ADGRB3: variants seen among roughly 807,000 people sequenced by gnomAD.
The protein encoded by ADGRB3 is brain-specific angiogenesis inhibitor 3.
A neutral mutation model predicts 193.4 loss-of-function variants in ADGRB3; 37 were observed. That is an observed-to-expected ratio of 0.19 (90% CI 0.15 to 0.25). The LOEUF (loss-of-function observed/expected upper bound fraction) is 0.25. Ranked by LOEUF, ADGRB3 falls within the 10% of genes least tolerant of loss-of-function variation. The pLI is 1.00. For missense variants in ADGRB3, 1,637 were observed against 1,852.9 expected (o/e 0.88, Z 2.14); for synonymous variants, 690 against 644.2 (o/e 1.07, Z -1.08).
chr6:68,994,774 A>G (rs1769337253), intron 11 of ADGRB3, among the ~76,000 whole-genome samples: 1 of 152,182 alleles, frequency 6.6e-6, no homozygotes, highest in African/African-American at 2.4e-5. Context: ...TAAAATAAAG[A>G]TTTGGCAAAA....
chr6:69,012,081 A>G (rs1323344044), intron 11 of ADGRB3, among the ~76,000 whole-genome samples: 1 of 152,128 alleles, frequency 6.6e-6, no homozygotes, highest in African/African-American at 2.4e-5. Context: ...GGTGATTTAA[A>G]AAAAGAACTG....
chr6:68,965,278 A>C (rs1382258260), intron 8 of ADGRB3, among the ~76,000 whole-genome samples: 1 of 152,184 alleles, frequency 6.6e-6, no homozygotes, highest in Admixed American at 6.6e-5. Context: ...TGAATTCTTC[A>C]CATGAGTAGG....
At chr6:68,704,319 C>G (rs1027791030) in intron 3 of ADGRB3, among the ~76,000 whole-genome samples, 1 of 152,066 alleles carries the variant, frequency 6.6e-6, no homozygotes, top group African/African-American at 2.4e-5. Flanking sequence ...ATAATGCCAA[C>G]CTGATTATCA....
In ADGRB3 at chr6:68,983,976, C is replaced by T. The variant is rs73467706; in HGVS notation, c.1734+8636C>T. Reference sequence around the variant, plus strand: ...TATGTCAGGAAATGACAGCACATTCCATGTAGCGAAAATAACATATGGAAA... The same window carrying T: ...TATGTCAGGAAATGACAGCACATTCTATGTAGCGAAAATAACATATGGAAA... On this transcript the variant is annotated intron_variant, in intron 10 of 31. Coordinates refer to ENST00000370598, the MANE Select transcript of ADGRB3 (RefSeq NM_001704.3). Among the ~76,000 whole-genome samples the T allele has an allele frequency of 7.8e-3, 1,181 of 152,152 alleles. 10 individuals are homozygous for T. Among genetic ancestry groups the T allele is most frequent in the African/African-American group, 0.025 (1,019 of 41,494 alleles).
At chr6:69,334,186 T>C (rs1391441957) in intron 24 of ADGRB3, among the ~76,000 whole-genome samples, 11 of 151,936 alleles carry the variant, frequency 7.2e-5, no homozygotes, top group Admixed American at 5.2e-4. Context: ...CTCCTTTCCA[T>C]TGAACTGTAA....
intron 30 of ADGRB3, among the ~76,000 whole-genome samples, chr6:69,375,167 C>G (rs910911133): frequency 6.6e-6 from 1 of 152,098 alleles, no homozygotes; most frequent in Non-Finnish European, 1.5e-5. Flanking sequence ...CTAAAAGCTG[C>G]TAAGCTTTTT....
intron 3 of ADGRB3, among the ~76,000 whole-genome samples, chr6:68,718,765 T>C (rs117038276): frequency 6.6e-6 from 1 of 151,770 alleles, no homozygotes; most frequent in Non-Finnish European, 1.5e-5. Flanking sequence ...ACTGTGTAAG[T>C]GCTAATCTAT....
chr6:69,077,423 C>A (rs191841043), intron 17 of ADGRB3, among the ~76,000 whole-genome samples: 1 of 151,980 alleles, frequency 6.6e-6, no homozygotes, highest in East Asian at 1.9e-4. Context: ...GAATAATAAG[C>A]AACTTTGACT....
intron 3 of ADGRB3, among the ~76,000 whole-genome samples, chr6:68,692,202 A>T (rs1765087762): frequency 6.6e-6 from 1 of 151,938 alleles, no homozygotes; most frequent in Non-Finnish European, 1.5e-5. Flanking sequence ...CTAACATTTG[A>T]ATCAACTATG....
intron 17 of ADGRB3, among the ~76,000 whole-genome samples, chr6:69,178,452 A>G (rs1245343253): frequency 3.9e-5 from 6 of 152,076 alleles, no homozygotes; most frequent in Admixed American, 1.3e-4. Context: ...CAATTAGACT[A>G]TTTACATTCA....
At chr6:69,149,937 T>C (rs1295515333) in intron 17 of ADGRB3, among the ~76,000 whole-genome samples, 1 of 132,314 alleles carries the variant, frequency 7.6e-6, no homozygotes, top group Non-Finnish European at 1.7e-5. Flanking sequence ...TGTGTGTGTG[T>C]GTGTGTGTGT....
At chr6:68,804,383 T>C (rs1767365215) in intron 3 of ADGRB3, among the ~76,000 whole-genome samples, 2 of 152,236 alleles carry the variant, frequency 1.3e-5, no homozygotes, top group Non-Finnish European at 2.9e-5. Context: ...TAGTAACTGC[T>C]TCTTGTGTTG....
intron 3 of ADGRB3, among the ~76,000 whole-genome samples, chr6:68,650,223 T>C (rs1768329832): frequency 6.6e-6 from 1 of 152,198 alleles, no homozygotes; most frequent in South Asian, 2.1e-4. Context: ...AGCGCAAGTG[T>C]ACAGAGAAAT....
intron 3 of ADGRB3, among the ~76,000 whole-genome samples, chr6:68,832,588 T>A (rs1473099460): frequency 6.6e-6 from 1 of 152,170 alleles, no homozygotes; most frequent in East Asian, 1.9e-4. Flanking sequence ...CATTTTTCAA[T>A]GTATCTTTTT....
At chr6:69,106,988 G>A (rs1773233415) in intron 17 of ADGRB3, among the ~76,000 whole-genome samples, 1 of 152,118 alleles carries the variant, frequency 6.6e-6, no homozygotes, top group Admixed American at 6.6e-5. Flanking sequence ...GAATATAAAT[G>A]TAGCCAAATC....
At chr6:69,360,569 G>A (rs1208273305) in intron 28 of ADGRB3, among the ~76,000 whole-genome samples, 1 of 151,938 alleles carries the variant, frequency 6.6e-6, no homozygotes, top group Non-Finnish European at 1.5e-5. Flanking sequence ...TCCCTGAAAA[G>A]TTATATGGAG....
chr6:69,343,120 G>T (rs776053257), intron 26 of ADGRB3, among the ~76,000 whole-genome samples: 4 of 149,530 alleles, frequency 2.7e-5, no homozygotes, highest in African/African-American at 7.4e-5. Context: ...AATGTGTTGT[G>T]TATGGAGCCT....
intron 17 of ADGRB3, among the ~76,000 whole-genome samples, chr6:69,167,272 G>T (rs543818689): frequency 2.6e-5 from 4 of 152,234 alleles, no homozygotes; most frequent in South Asian, 4.1e-4. Context: ...GAAGGATTTT[G>T]AGAATCAGTT....
chr6:69,328,853 A>G (rs1003682149), intron 22 of ADGRB3, among the ~76,000 whole-genome samples: 5 of 152,156 alleles, frequency 3.3e-5, no homozygotes, highest in Admixed American at 1.3e-4. Context: ...ACTTTTTACA[A>G]TAGCATAATT....
Sources: allele counts gnomAD v4.1 joint callset (sites outside exome capture counted in the v4.1 genomes callset), GRCh38; gene constraint gnomAD v4.1.1; transcripts MANE v1.5; gene names NCBI Gene and HGNC (gene_info 2026-07-23, HGNC 2026-07-21).